CLYBL: variants seen among roughly 807,000 people sequenced by gnomAD.
CLYBL encodes citramalyl-CoA lyase, also known as citramalyl-CoA lyase, mitochondrial.
CLYBL carries 31 observed loss-of-function variants against 38.9 expected under a neutral mutation model. The observed-to-expected ratio is 0.80, with a 90% CI of 0.60 to 1.08. The LOEUF (loss-of-function observed/expected upper bound fraction) is 1.08. Ranked by LOEUF, CLYBL falls within the 50% of genes least tolerant of loss-of-function variation. The pLI, the probability that CLYBL is intolerant of heterozygous loss-of-function variation, is 0.00. For synonymous variants in CLYBL, 171 were observed against 158.6 expected (o/e 1.08, Z -0.59); for missense variants, 434 against 411.6 (o/e 1.05, Z -0.47).
chr13:99,756,904 A>G (rs993916174), intron 1 of CLYBL, among the ~76,000 whole-genome samples: 9 of 152,136 alleles, frequency 5.9e-5, no homozygotes, highest in Non-Finnish European at 1.2e-4. Flanking sequence ...ATGTTATTTT[A>G]TTATTTTTTT....
At chr13:99,879,536 G>GT (rs921566385) in intron 7 of CLYBL, among the ~76,000 whole-genome samples, 2 of 152,270 alleles carry the variant, frequency 1.3e-5, no homozygotes, top group Non-Finnish European at 2.9e-5. Context: ...GATATTCTAA[G>GT]TTTTTTAATT....
intron 1 of CLYBL, among the ~76,000 whole-genome samples, chr13:99,685,511 A>G (rs1366456870): frequency 1.3e-5 from 2 of 151,624 alleles, no homozygotes; most frequent in African/African-American, 2.4e-5. Flanking sequence ...ACCACATACA[A>G]TGATTTTGGG....
intron 7 of CLYBL, among the ~76,000 whole-genome samples, chr13:99,874,115 C>G (rs1439459945): frequency 6.6e-6 from 1 of 152,176 alleles, no homozygotes; most frequent in Non-Finnish European, 1.5e-5. Flanking sequence ...GAGACTGACA[C>G]TGGGGACTCT....
intron 7 of CLYBL, among the ~76,000 whole-genome samples, chr13:99,872,141 T>G (rs1056160283): frequency 7.2e-5 from 11 of 152,186 alleles, no homozygotes; most frequent in African/African-American, 2.7e-4. Context: ...CAATATTAAA[T>G]GGGTCATTCC....
intron 1 of CLYBL, among the ~76,000 whole-genome samples, chr13:99,736,654 A>G (rs12430063): frequency 0.29 from 43,270 of 151,450 alleles, 7,441 homozygotes; most frequent in Non-Finnish European, 0.39. Context: ...TGTTTTCCTC[A>G]CTCTGTGGCT....
chr13:99,811,733 T>G (rs149750509), intron 2 of CLYBL, among the ~76,000 whole-genome samples: 1 of 146,066 alleles, frequency 6.8e-6, no homozygotes, highest in East Asian at 2.0e-4. Flanking sequence ...CTGGCTGGAT[T>G]TGTTTTATGA....
intron 2 of CLYBL, among the ~76,000 whole-genome samples, chr13:99,785,191 C>CTTT (rs58550861): frequency 0.013 from 453 of 34,220 alleles, 37 homozygotes; most frequent in Non-Finnish European, 0.017. Flanking sequence ...CCCCGCCTGG[C>CTTT]TTTTTTTTTT....
chr13:99,711,178 A>G (rs985827182), intron 1 of CLYBL, among the ~76,000 whole-genome samples: 9 of 151,734 alleles, frequency 5.9e-5, no homozygotes, highest in African/African-American at 2.2e-4. Flanking sequence ...GCTCACAGTT[A>G]TCTATTTGTC....
At chr13:99,720,246 T>C (rs1300840036) in intron 1 of CLYBL, among the ~76,000 whole-genome samples, 1 of 152,200 alleles carries the variant, frequency 6.6e-6, no homozygotes, top group African/African-American at 2.4e-5. Flanking sequence ...AGTCTAAAGT[T>C]AATGGATATT....
At chr13:99,719,447 G>C (rs937862081) in intron 1 of CLYBL, among the ~76,000 whole-genome samples, 11 of 151,188 alleles carry the variant, frequency 7.3e-5, no homozygotes, top group African/African-American at 2.7e-4. Context: ...ACCATGTCCA[G>C]CCAAGAACCT....
intron 1 of CLYBL, among the ~76,000 whole-genome samples, chr13:99,673,818 G>A (rs185708693): frequency 7.2e-4 from 109 of 152,316 alleles, no homozygotes; most frequent in Non-Finnish European, 1.3e-3. Context: ...GGGGAGACCC[G>A]TCAGGAGATA....
rs1361307564 is a variant in CLYBL, at chr13:99,658,588, G to A, written c.62+51831G>A. Among the ~76,000 whole-genome samples, 2 of 152,326 alleles carry A rather than the reference G, an allele frequency of 1.3e-5. 1 individual carries two copies. Among genetic ancestry groups the A allele is most frequent in the Non-Finnish European group, 2.9e-5 (2 of 68,028 alleles). On this transcript the variant is annotated intron_variant, in intron 1 of 8. Transcript: ENST00000339105. ...TTGGGGTAGCTAGGCCCTCCAGCCC[G>A]GCGACAGGCCTCGGCCACAGGCAGC... is the stretch of plus-strand genomic sequence containing the variant.
At chr13:99,873,979 C>T (rs1201096330) in intron 7 of CLYBL, among the ~76,000 whole-genome samples, 1 of 152,156 alleles carries the variant, frequency 6.6e-6, no homozygotes, top group Non-Finnish European at 1.5e-5. Flanking sequence ...ACAATCAGCT[C>T]ATATCATCTG....
chr13:99,785,683 GC>G (rs1566326416), intron 2 of CLYBL, among the ~76,000 whole-genome samples: 2 of 151,232 alleles, frequency 1.3e-5, no homozygotes, highest in Non-Finnish European at 2.9e-5. Flanking sequence ...TGCAACATCT[GC>G]CTCCCAGGTT....
At chr13:99,797,558 G>C (rs188381522) in intron 2 of CLYBL, among the ~76,000 whole-genome samples, 1 of 134,226 alleles carries the variant, frequency 7.5e-6, no homozygotes, top group East Asian at 2.4e-4. Context: ...CATGTTAGCT[G>C]TTTGTGTGTG....
rs539317229 is a variant in CLYBL, at chr13:99,765,349, C to T, written c.63-7475C>T. On this transcript the variant is annotated intron_variant, in intron 1 of 8. Coordinates refer to ENST00000339105, the MANE Select transcript of CLYBL (RefSeq NM_206808.5). ...TTGCTGCTTTTAGGATTCTGTTTGT[C>T]CTTGACCTTTGAGAGTCTGATTATT... 3.0e-4 allele frequency among the ~76,000 whole-genome samples: 46 copies of T among 152,208 alleles called. 1 individual carries two copies. Among genetic ancestry groups the T allele is most frequent in the Non-Finnish European group, 2.1e-4 (14 of 68,014 alleles).
intron 1 of CLYBL, among the ~76,000 whole-genome samples, chr13:99,755,702 A>T (rs1476102464): frequency 2.6e-5 from 4 of 152,148 alleles, no homozygotes; most frequent in South Asian, 4.1e-4. Context: ...CCCCACGTTG[A>T]TGCAGAGCTC....
chr13:99,872,843 G>A (rs1221525728), intron 7 of CLYBL, among the ~76,000 whole-genome samples: 1 of 152,112 alleles, frequency 6.6e-6, no homozygotes, highest in Non-Finnish European at 1.5e-5. Flanking sequence ...GAGGAAAATG[G>A]CCCTTTTCCA....
chr13:99,772,981 T>C lies in CLYBL; in HGVS notation c.220T>C (p.Cys74Arg). 6.2e-7 allele frequency: 1 copy of C among 1,611,006 alleles called. No individual in the cohort carries two copies. The highest frequency in any genetic ancestry group is 1.7e-5 in the Admixed American group (1 of 59,018). ...SLNVDCAVLDCEDGVAANKKN... is the reference protein window; with the variant it reads ...SLNVDCAVLDREDGVAANKKN... The stretch of plus-strand genomic sequence containing the variant: ...GAATGTAGATTGTGCAGTGCTCGAC[T>C]GTGAGGATGGAGTGGCTGCAAACAA... Residue 74 changes from cysteine (C) to arginine (R), a missense_variant, in exon 2 of 9, where the codon TGT (cysteine) becomes CGT (arginine). Coordinates refer to ENST00000339105, the MANE Select transcript of CLYBL (RefSeq NM_206808.5).
Sources: gnomAD v4.1 joint callset for allele counts (sites outside exome capture counted in the v4.1 genomes callset) on GRCh38, gnomAD v4.1.1 for gene constraint, MANE v1.5 for transcripts, NCBI Gene and HGNC (gene_info 2026-07-23, HGNC 2026-07-21) for gene names.